SAMMSON: variants seen among roughly 807,000 people sequenced by gnomAD.
SAMMSON encodes survival associated mitochondrial melanoma specific oncogenic non-coding RNA.
chr3:70,271,610 T>C (rs1473325011), intron 6 of SAMMSON, among the ~76,000 whole-genome samples: 3 of 152,216 alleles, frequency 2.0e-5, no homozygotes, highest in East Asian at 1.9e-4. Context: ...TTTCATCTTA[T>C]AGCCAAAACA....
intron 7 of SAMMSON, among the ~76,000 whole-genome samples, chr3:70,308,958 G>T (rs1702430410): frequency 6.6e-6 from 1 of 152,194 alleles, no homozygotes; most frequent in Non-Finnish European, 1.5e-5. Flanking sequence ...GCAGTGTTCA[G>T]CTGGAGTTCC....
chr3:70,187,071 C>G (rs1226256427), intron 4 of SAMMSON, among the ~76,000 whole-genome samples: 1 of 152,192 alleles, frequency 6.6e-6, no homozygotes, highest in Non-Finnish European at 1.5e-5. Context: ...ATGTTTCCTT[C>G]TTCAGTGGCA....
intron 4 of SAMMSON, among the ~76,000 whole-genome samples, chr3:70,140,843 C>G (rs971429100): frequency 3.9e-5 from 6 of 152,138 alleles, no homozygotes; most frequent in African/African-American, 1.4e-4. Flanking sequence ...TCATTTCCAT[C>G]TGAGTCTTCA....
intron 3 of SAMMSON, among the ~76,000 whole-genome samples, chr3:70,045,018 T>A (rs1219596524): frequency 0.012 from 1,565 of 129,070 alleles, 63 homozygotes; most frequent in African/African-American, 0.043. Context: ...ATATATATAA[T>A]TAATTATAAT....
chr3:70,244,065 G>A (rs771714468), intron 4 of SAMMSON, among the ~76,000 whole-genome samples: 16 of 152,190 alleles, frequency 1.1e-4, no homozygotes, highest in Non-Finnish European at 1.9e-4. Flanking sequence ...ATTTTCCACC[G>A]TAACTACTTT....
intron 6 of SAMMSON, among the ~76,000 whole-genome samples, chr3:70,253,083 G>T (rs574403221): frequency 6.7e-6 from 1 of 148,210 alleles, no homozygotes; most frequent in Admixed American, 6.7e-5. Context: ...TTTGCTCAAA[G>T]AAAAAAAAAA....
At chr3:70,047,733 C>G (rs1393015594) in intron 3 of SAMMSON, among the ~76,000 whole-genome samples, 1 of 152,058 alleles carries the variant, frequency 6.6e-6, no homozygotes, top group Non-Finnish European at 1.5e-5. Flanking sequence ...AGTTCTGGAG[C>G]TTGGAAGTCC....
At chr3:70,025,907 C>A (rs1324911950) in intron 3 of SAMMSON, among the ~76,000 whole-genome samples, 1 of 152,070 alleles carries the variant, frequency 6.6e-6, no homozygotes. Flanking sequence ...ATCATATGGT[C>A]TTCATTCTCA....
At chr3:70,119,074 TA>T (rs1392890726) in intron 4 of SAMMSON, among the ~76,000 whole-genome samples, 3 of 152,296 alleles carry the variant, frequency 2.0e-5, no homozygotes, top group African/African-American at 7.2e-5. Context: ...TATTTATTAT[TA>T]TTTTTTTTGA....
At chr3:70,283,906 T>C (rs1363272116) in intron 6 of SAMMSON, 2 of 152,138 alleles carry the variant, frequency 1.3e-5, no homozygotes, top group Non-Finnish European at 2.9e-5. Flanking sequence ...AAGTATTTAA[T>C]ACATGTGCTA....
intron 4 of SAMMSON, chr3:70,197,004 G>A: frequency 2.5e-6 from 1 of 398,596 alleles, no homozygotes; most frequent in Non-Finnish European, 4.4e-6. Flanking sequence ...CAAAAAGGCT[G>A]CAGTCCATGT....
At chr3:70,027,103 G>A (rs2067044012) in intron 3 of SAMMSON, among the ~76,000 whole-genome samples, 2 of 152,104 alleles carry the variant, frequency 1.3e-5, no homozygotes, top group South Asian at 4.1e-4. Flanking sequence ...GAACGTTGAG[G>A]CATTTTCATT....
chr3:70,167,458 G>A (rs143655930), intron 4 of SAMMSON, among the ~76,000 whole-genome samples: 26 of 151,944 alleles, frequency 1.7e-4, no homozygotes, highest in African/African-American at 5.5e-4. Context: ...TTCTCTAAAC[G>A]TAACATAATA....
intron 7 of SAMMSON, among the ~76,000 whole-genome samples, chr3:70,296,023 C>T (rs879651627): frequency 1.2e-4 from 19 of 152,154 alleles, no homozygotes; most frequent in Non-Finnish European, 2.8e-4. Flanking sequence ...GGCTAACATG[C>T]ATTAACTTGT....
intron 3 of SAMMSON, chr3:70,030,803 A>C (rs1197284493): frequency 1.3e-5 from 2 of 152,214 alleles, no homozygotes; most frequent in Admixed American, 6.5e-5. Context: ...TCAACTCAAC[A>C]TTGTTAGTCA....
chr3:70,099,377 G>A (rs1042058265), intron 4 of SAMMSON, among the ~76,000 whole-genome samples: 5 of 151,978 alleles, frequency 3.3e-5, no homozygotes, highest in African/African-American at 9.7e-5. Flanking sequence ...GATTGCACTC[G>A]GTATTGTCAG....
downstream of SAMMSON, among the ~76,000 whole-genome samples, chr3:70,394,554 A>G (rs1701076177): frequency 6.6e-6 from 1 of 152,142 alleles, no homozygotes; most frequent in Non-Finnish European, 1.5e-5. Context: ...ACTCTTGAAT[A>G]TACACTGAGC....
chr3:70,050,852 C>G (rs958629988), intron 3 of SAMMSON, among the ~76,000 whole-genome samples: 1 of 151,920 alleles, frequency 6.6e-6, no homozygotes. Context: ...TAGAGGCAGA[C>G]TGGCTGGGTG....
At chr3:70,006,897 G>A (rs1236571136) in intron 1 of SAMMSON, among the ~76,000 whole-genome samples, 2 of 149,558 alleles carry the variant, frequency 1.3e-5, no homozygotes, top group Admixed American at 6.8e-5. Context: ...AACATGTGGT[G>A]TTTGGTTTTT....
Sources: allele counts gnomAD v4.1 joint callset (sites outside exome capture counted in the v4.1 genomes callset), GRCh38; gene constraint gnomAD v4.1.1; transcripts MANE v1.5; gene names NCBI Gene and HGNC (gene_info 2026-07-23, HGNC 2026-07-21).